The following PCLO variants were observed in gnomAD, a reference collection of about 807,000 sequenced individuals.
PCLO encodes the protein piccolo presynaptic cytomatrix protein, also known as protein piccolo.
A neutral mutation model predicts 427.5 loss-of-function variants in PCLO; 82 were observed. The ratio of observed to expected loss-of-function variants is 0.19; its 90% CI spans 0.16 to 0.23. The LOEUF is 0.23. PCLO is among the 10% of genes least tolerant of loss of function. PCLO has a pLI of 1.00. For synonymous variants in PCLO, 2,357 were observed against 2,155.4 expected (o/e 1.09, Z -2.59); for missense variants, 6,239 against 6,115.9 (o/e 1.02, Z -0.67).
intron 3 of PCLO, among the ~76,000 whole-genome samples, chr7:83,118,497 C>G (rs1791189578): frequency 6.7e-6 from 1 of 149,300 alleles, no homozygotes; most frequent in Middle Eastern, 3.4e-3. Flanking sequence ...CCCACCCCAT[C>G]CCCCAGCAGT....
chr7:83,135,415 A>G lies in PCLO; in HGVS notation c.2135T>C (p.Leu712Pro). 1.2e-6 allele frequency: 2 copies of G among 1,613,874 alleles called. No individual in the cohort carries two copies. The highest frequency in any genetic ancestry group is 1.7e-6 in the Non-Finnish European group (2 of 1,179,870). ...KPPPLVKQPT[L>P]HGSPSAKAKQ... ...GGCCTTGGCTGAAGGAGAGCCATGA[A>G]GGGTTGGTTGTTTCACTAGTGGTGG... Residue 712 changes from leucine to proline, a missense_variant, in exon 3 of 25, where the codon CTT becomes CCT. Around this residue, in one of 5 missense-constraint regions of PCLO, gnomAD observed 4,677 missense variants for 4,468.4 expected, o/e 1.05. Transcript: ENST00000333891.
chr7:83,135,775 A>G (rs1042792438), intron 2 of PCLO, 119 bp from the exon 3 acceptor site: 5 of 592,844 alleles, frequency 8.4e-6, no homozygotes, highest in Non-Finnish European at 1.4e-5. Context: ...CAGAAAATAT[A>G]GAGAAAATTA....
chr7:83,080,180 A>T (rs1229195829), intron 3 of PCLO, among the ~76,000 whole-genome samples: 1 of 152,190 alleles, frequency 6.6e-6, no homozygotes, highest in African/African-American at 2.4e-5. Flanking sequence ...TGCAATGAAC[A>T]TACGCATGCA....
chr7:83,019,328 T>A (rs1788285218), intron 3 of PCLO, among the ~76,000 whole-genome samples: 1 of 151,980 alleles, frequency 6.6e-6, no homozygotes, highest in African/African-American at 2.4e-5. Flanking sequence ...GAACTTCTTT[T>A]GTTTTAATTT....
chr7:83,130,956 A>G (rs1449233840), intron 3 of PCLO, among the ~76,000 whole-genome samples: 5 of 152,212 alleles, frequency 3.3e-5, no homozygotes, highest in Non-Finnish European at 7.3e-5. Context: ...TTTTCATAGT[A>G]AAAAAGTTAG....
At chr7:82,858,612 T>C (rs998663191) in intron 10 of PCLO, among the ~76,000 whole-genome samples, 1 of 152,136 alleles carries the variant, frequency 6.6e-6, no homozygotes, top group African/African-American at 2.4e-5. Flanking sequence ...AGTTACAGGA[T>C]ATAAAATCAA....
At chr7:83,145,229 T>G (rs1252842417) in intron 2 of PCLO, among the ~76,000 whole-genome samples, 4 of 151,974 alleles carry the variant, frequency 2.6e-5, no homozygotes, top group Admixed American at 1.3e-4. Flanking sequence ...AGAGTAGGAG[T>G]TCACAGCTTT....
rs755030330 is a variant in PCLO at position 82,908,948 on chromosome 7, C to G, written c.13366G>C (p.Gly4456Arg). Residue 4456 changes from glycine (G) to arginine (R), a missense_variant, in exon 8 of 25, where the codon GGA (glycine) becomes CGA (arginine). Physicochemically the swap from Gly to Arg is moderately radical, Grantham distance 125 (BLOSUM62 -2). This residue lies in a region of PCLO where 877 missense variants were observed against 925.5 expected (regional missense o/e 0.95). Coordinates refer to ENST00000333891, the MANE Select transcript of PCLO (RefSeq NM_033026.6). ...DKPRESRLEN[G>R]HGLDRKLPER... ...GGCAGTTTTCGGTCCAGACCATGTCCATTTTCCAAACGAGACTCCCTGGGT... is the reference window on the plus strand; with the variant it reads ...GGCAGTTTTCGGTCCAGACCATGTCGATTTTCCAAACGAGACTCCCTGGGT... The G allele has an allele frequency of 6.2e-7, 1 of 1,612,910 alleles. No homozygotes were observed. Among genetic ancestry groups the G allele is most frequent in the South Asian group, 1.1e-5 (1 of 91,064 alleles).
Position 82,950,617 on chromosome 7 carries a change from C to T in PCLO, c.9971G>A (p.Gly3324Glu), listed in dbSNP as rs200557838. 1.9e-5 allele frequency: 30 copies of T among 1,613,722 alleles called. No individual in the cohort carries two copies. The highest frequency in any genetic ancestry group is 3.3e-4 in the Middle Eastern group (2 of 6,084). ...QIYQYNYDPS[G>E]TASPQTTTEQ... ...TGTAGTGGTTTGTGGAGAAGCAGTT[C>T]CAGAAGGGTCATAGTTATACTGGTA... The change falls in exon 6 of 25, where the codon GGA becomes GAA. Residue 3324 changes from glycine (G) to glutamate (E), a missense_variant. This residue lies in a region of PCLO where 4,677 missense variants were observed against 4,468.4 expected (regional missense o/e 1.05). Transcript: ENST00000333891.
In PCLO at chr7:82,915,042, C is replaced by T; in HGVS notation, c.12944G>A (p.Arg4315Lys). ...AGCTTCAGCCTCTTGAGCTTTCAGT[C>T]TTAGGGAAGAGCTAGAAGAATCCCT... ...IKRDSSSSSL[R>K]LKAQEAEALD... Residue 4315 changes from arginine to lysine, a missense_variant, in exon 7 of 25, where the codon AGA (arginine) becomes AAA (lysine). Arg to Lys is a conservative substitution (Grantham distance 26). Coordinates refer to ENST00000333891, the MANE Select transcript of PCLO (RefSeq NM_033026.6). 3.7e-6 allele frequency: 6 copies of T among 1,613,414 alleles called. No homozygotes were observed. Among genetic ancestry groups the T allele is most frequent in the South Asian group, 1.1e-5 (1 of 91,060 alleles).
intron 6 of PCLO, among the ~76,000 whole-genome samples, chr7:82,928,851 C>G (rs1794775737): frequency 6.6e-6 from 1 of 152,106 alleles, no homozygotes; most frequent in African/African-American, 2.4e-5. Context: ...ACAGAAAAGG[C>G]AGAGTTAGAC....
At position 82,770,846 on chromosome 7, in the gene PCLO, T is replaced by A. The variant is rs144095297; in HGVS notation, c.15008-9353A>T. Among the ~76,000 whole-genome samples, 81 of 151,996 alleles carry A rather than the reference T, an allele frequency of 5.3e-4. No individual in the cohort carries two copies. In the East Asian group the frequency reaches 9.5e-3, roughly 18 times the overall value. On this transcript the variant is annotated intron_variant, in intron 22 of 24. Transcript: ENST00000333891. ...TTTTTTTAAAAAACAATTCTGATAA[T>A]CTTATTTGCATTGAATTTTATCTTC...
chr7:83,155,405 G>A lies in PCLO; in HGVS notation c.1236C>T (p.Thr412=), dbSNP rs1792256564. 1.2e-6 allele frequency: 2 copies of A among 1,612,520 alleles called. No individual in the cohort carries two copies. The highest frequency in any genetic ancestry group is 2.7e-5 in the African/African-American group (2 of 74,700). The change falls in exon 2 of 25, where the codon ACC becomes ACT. Residue 412 remains threonine (T), a synonymous_variant. Transcript: ENST00000333891. The part of the protein sequence containing the change: ...AQQPGPAKPP[T]QQVGTPKPLA... ...GGGGTTTTGGTGTCCCCACCTGCTGGGTTGGAGGCTTTGCTGGCCCTGGCT... is the reference window on the plus strand; with the variant it reads ...GGGGTTTTGGTGTCCCCACCTGCTGAGTTGGAGGCTTTGCTGGCCCTGGCT...
chr7:82,868,401 T>A (rs1793149029), intron 10 of PCLO, among the ~76,000 whole-genome samples: 1 of 152,160 alleles, frequency 6.6e-6, no homozygotes, highest in Admixed American at 6.6e-5. Context: ...GCTAATTTCA[T>A]CCTTACTTCA....
chr7:83,048,137 T>A (rs1789146961), intron 3 of PCLO, among the ~76,000 whole-genome samples: 1 of 152,102 alleles, frequency 6.6e-6, no homozygotes, highest in Non-Finnish European at 1.5e-5. Context: ...TGTTATTAAA[T>A]GTTTGCTGCT....
intron 22 of PCLO, among the ~76,000 whole-genome samples, chr7:82,798,223 G>A (rs551033625): frequency 8.6e-4 from 131 of 152,166 alleles, no homozygotes; most frequent in South Asian, 1.9e-3. Flanking sequence ...ATAAGTAATC[G>A]AGATGAAGTG....
At chr7:83,028,340 G>A (rs1463259476) in intron 3 of PCLO, among the ~76,000 whole-genome samples, 1 of 149,614 alleles carries the variant, frequency 6.7e-6, no homozygotes, top group Non-Finnish European at 1.5e-5. Flanking sequence ...CAAATCATGA[G>A]TGAACTCCCA....
rs756181329 is a variant in PCLO at position 82,956,785 on chromosome 7, T to C, written c.4168A>G (p.Lys1390Glu). Reference protein sequence around the residue: ...LIPTDEKDILKGLKKDSFSQE... With the variant: ...LIPTDEKDILEGLKKDSFSQE... The stretch of plus-strand genomic sequence containing the variant: ...GAAAAAGAGTCCTTTTTGAGTCCCT[T>C]GAGAATATCCTTTTCATCAGTTGGA... The change falls in exon 5 of 25, where the codon AAG becomes GAG. Residue 1390 changes from lysine to glutamate, a missense_variant. Physicochemically the swap from Lys to Glu is moderately conservative, Grantham distance 56. This residue lies in a region of PCLO where 4,677 missense variants were observed against 4,468.4 expected (regional missense o/e 1.05). Transcript: ENST00000333891. 6 of 1,613,562 alleles carry C rather than the reference T, an allele frequency of 3.7e-6. No homozygotes were observed. The South Asian group carries it at 5.5e-5, about 15-fold the overall frequency.
intron 3 of PCLO, among the ~76,000 whole-genome samples, chr7:82,979,506 A>C: frequency 6.6e-6 from 1 of 152,286 alleles, no homozygotes; most frequent in African/African-American, 2.4e-5. Context: ...AATATTTACT[A>C]TTTGCTTTGC....
Sources: gnomAD v4.1 joint callset for allele counts (sites outside exome capture counted in the v4.1 genomes callset) on GRCh38, gnomAD v4.1.1 for gene constraint, gnomAD v4.1.1 regional missense constraint, MANE v1.5 for transcripts, NCBI Gene and HGNC (gene_info 2026-07-23, HGNC 2026-07-21) for gene names.